TRPV4: variants seen among roughly 807,000 people sequenced by gnomAD.
The protein encoded by TRPV4 is transient receptor potential cation channel subfamily V member 4, also known as OSM9-like transient receptor potential channel 4.
Under a neutral mutation model 84.1 loss-of-function variants are expected in TRPV4, and 58 were observed. The observed-to-expected ratio is 0.69, with a 90% CI of 0.56 to 0.86. The LOEUF is 0.86. Among genes scored for constraint, TRPV4 ranks in the 40% least tolerant of loss-of-function variants. The pLI, the probability that TRPV4 is intolerant of heterozygous loss-of-function variation, is 0.00. For synonymous variants in TRPV4, 489 were observed against 500.9 expected (o/e 0.98, Z 0.32); for missense variants, 879 against 1,181.1 (o/e 0.74, Z 3.75).
intron 1 of TRPV4, among the ~76,000 whole-genome samples, chr12:109,832,027 T>G (rs966172994): frequency 6.6e-6 from 1 of 152,214 alleles, no homozygotes; most frequent in Non-Finnish European, 1.5e-5. Flanking sequence ...GGTTAAACAT[T>G]GATGGCAGCC....
At chr12:109,794,126 C>T (rs958970922) in intron 8 of TRPV4, 104 bp from the exon 9 acceptor site, 1 of 1,165,580 alleles carries the variant, frequency 8.6e-7, no homozygotes, top group African/African-American at 1.5e-5. Flanking sequence ...CCCATGGAGC[C>T]TCCTCCTTCA....
At chr12:109,784,963 G>A (rs1228040678) in intron 14 of TRPV4, among the ~76,000 whole-genome samples, 1 of 151,332 alleles carries the variant, frequency 6.6e-6, no homozygotes, top group African/African-American at 2.4e-5. Context: ...CATCCACATT[G>A]TGTGACCATC....
In TRPV4 at chr12:109,783,410, A is replaced by G; in HGVS notation, c.*211T>C. ...CTCTGGCGTTGGCTTATGTGACTCCATAGGAGCAAGACAGGTGGCCGGGAG... is the reference window on the plus strand; with the variant it reads ...CTCTGGCGTTGGCTTATGTGACTCCGTAGGAGCAAGACAGGTGGCCGGGAG... On this transcript the variant is annotated 3_prime_UTR_variant, in exon 16 of 16. Transcript: ENST00000261740. The surrounding 1 kb of genome is among the most constrained non-coding windows in gnomAD (Gnocchi z 4.6). 3.3e-6 allele frequency: 2 copies of G among 601,264 alleles called. 1 individual carries two copies. The highest frequency in any genetic ancestry group is 4.6e-5 in the South Asian group (2 of 43,358). 37.2% of individuals were successfully genotyped at this position (601,264 alleles called of 1,614,324 possible). A position where few individuals can be genotyped will look rare whatever the true frequency, so the allele number is the denominator to read the frequency against.
intron 12 of TRPV4, among the ~76,000 whole-genome samples, chr12:109,790,845 G>C (rs781549626): frequency 2.0e-5 from 3 of 152,226 alleles, no homozygotes; most frequent in Non-Finnish European, 4.4e-5. Context: ...AGGTGTCCTT[G>C]AACACTTCTG....
chr12:109,812,970 T>C (rs1489648210), intron 2 of TRPV4, among the ~76,000 whole-genome samples: 1 of 151,900 alleles, frequency 6.6e-6, no homozygotes, highest in Non-Finnish European at 1.5e-5. Context: ...GAGTAGATGA[T>C]AGATGGATAA....
intron 6 of TRPV4, among the ~76,000 whole-genome samples, chr12:109,797,090 C>T (rs576441404): frequency 6.6e-6 from 1 of 152,286 alleles, no homozygotes; most frequent in South Asian, 2.1e-4. Flanking sequence ...CCCTGGCTTA[C>T]ACACAGGGAA....
At chr12:109,794,209 T>C (rs1565866185) in intron 8 of TRPV4, 120 bp downstream of exon 8, 5 of 1,383,756 alleles carry the variant, frequency 3.6e-6, no homozygotes, top group Non-Finnish European at 5.0e-6. Context: ...CTCCCCAACC[T>C]GTTCCTAAAC....
chr12:109,795,734 GT>G (rs1352342708), intron 7 of TRPV4, among the ~76,000 whole-genome samples: 3 of 151,610 alleles, frequency 2.0e-5, no homozygotes, highest in Non-Finnish European at 4.4e-5. Context: ...AAAAAGCTTG[GT>G]TTTTTGTTTG....
In TRPV4 at chr12:109,783,309, C is replaced by A; in HGVS notation, c.*312G>T. On this transcript the variant is annotated 3_prime_UTR_variant, in exon 16 of 16. Transcript: ENST00000261740. This position sits in a 1 kb window ranked among gnomAD's most constrained non-coding sequence, Gnocchi z 4.6. ...GGCCTCTGCCAGGTTCCAGCTGGGGCAGGGGTCACGTCGCTTCCTGAGAGC... is the reference window on the plus strand; with the variant it reads ...GGCCTCTGCCAGGTTCCAGCTGGGGAAGGGGTCACGTCGCTTCCTGAGAGC... 1 of 311,670 alleles carries A rather than the reference C, an allele frequency of 3.2e-6. No individual in the cohort carries two copies. The highest frequency in any genetic ancestry group is 7.4e-5 in the South Asian group (1 of 13,572). The allele number at this position is 311,670 out of a possible 1,614,324, so 19.3% of individuals were successfully genotyped here. A position where few individuals can be genotyped will look rare whatever the true frequency, so the allele number is the denominator to read the frequency against.
In TRPV4 at chr12:109,796,517, G is replaced by A; in HGVS notation, c.1332+8C>T. The A allele has an allele frequency of 6.2e-7, 1 of 1,613,876 alleles. No individual in the cohort carries two copies. The highest frequency in any genetic ancestry group is 8.5e-7 in the Non-Finnish European group (1 of 1,179,978). ...TCCTCACACCCCATGCCCCCTCCTGGAGCCCACCTCAATCTTGCTGTTGTA... is the reference window on the plus strand; with the variant it reads ...TCCTCACACCCCATGCCCCCTCCTGAAGCCCACCTCAATCTTGCTGTTGTA... On this transcript the variant is annotated splice_region_variant and intron_variant, in intron 7 of 15. Coordinates refer to ENST00000261740, the MANE Select transcript of TRPV4 (RefSeq NM_021625.5). The surrounding 1 kb of genome is among the most constrained non-coding windows in gnomAD (Gnocchi z 4.2).
rs1031384774 is a variant in TRPV4, at chr12:109,789,834, C to G, written c.1892-1118G>C. The stretch of plus-strand genomic sequence containing the variant: ...ACCTTGTCTGGACTCACCGGAAAAA[C>G]TGTTCTGTGATCCATTAGTGATGTC... On this transcript the variant is annotated intron_variant, in intron 12 of 15. Transcript: ENST00000261740. 1.3e-5 allele frequency among the ~76,000 whole-genome samples: 2 copies of G among 152,230 alleles called. 1 individual carries two copies. The highest frequency in any genetic ancestry group is 1.3e-4 in the Admixed American group (2 of 15,290).
chr12:109,809,618 C>A, intron 2 of TRPV4, among the ~76,000 whole-genome samples: 1 of 149,606 alleles, frequency 6.7e-6, no homozygotes, highest in East Asian at 2.1e-4. Flanking sequence ...ATCCATCACT[C>A]GTCTATCCAT....
chr12:109,823,604 G>C (rs1156533597), intron 1 of TRPV4, among the ~76,000 whole-genome samples: 1 of 152,182 alleles, frequency 6.6e-6, no homozygotes, highest in Non-Finnish European at 1.5e-5. Flanking sequence ...CCCAGAACAG[G>C]CAAATCCACA....
rs772453924 is a variant in TRPV4, at chr12:109,786,225, C to T, written c.2336+485G>A. Among the ~76,000 whole-genome samples the T allele has an allele frequency of 5.9e-5, 9 of 152,296 alleles. No individual in the cohort carries two copies. The highest frequency in any genetic ancestry group is 3.4e-3 in the Middle Eastern group (1 of 294). On this transcript the variant is annotated intron_variant, in intron 14 of 15. Transcript: ENST00000261740. The surrounding 1 kb of genome is among the most constrained non-coding windows in gnomAD (Gnocchi z 4.5). Reference sequence around the variant, plus strand: ...TGGCACTCCCTGTGCCTCTGGAACACGGAGTCATTCTGCAGATGGGCTGGG... The same window carrying T: ...TGGCACTCCCTGTGCCTCTGGAACATGGAGTCATTCTGCAGATGGGCTGGG...
At chr12:109,829,072 T>C (rs979949270) in intron 1 of TRPV4, among the ~76,000 whole-genome samples, 2 of 151,950 alleles carry the variant, frequency 1.3e-5, no homozygotes, top group Non-Finnish European at 2.9e-5. Context: ...CTTGGGAGGC[T>C]GAAGTAGGAG....
intron 2 of TRPV4, among the ~76,000 whole-genome samples, chr12:109,809,356 C>T (rs1891369093): frequency 6.7e-6 from 1 of 150,076 alleles, no homozygotes; most frequent in Non-Finnish European, 1.5e-5. Context: ...TCCACCCATC[C>T]ACCTACCCAC....
At chr12:109,794,128 C>T (rs1370317173) in intron 8 of TRPV4, 106 bp from the exon 9 acceptor site, 3 of 1,153,306 alleles carry the variant, frequency 2.6e-6, no homozygotes, top group South Asian at 1.3e-5. Flanking sequence ...CATGGAGCCT[C>T]CTCCTTCACT....
At chr12:109,788,788 T>C (rs1010164675) in intron 12 of TRPV4, 72 bp from the exon 13 acceptor site, 105 of 1,573,280 alleles carry the variant, frequency 6.7e-5, no homozygotes, top group Non-Finnish European at 8.7e-5. Context: ...GTCATTCTCA[T>C]TTGCTGGAGG....
At position 109,814,021 on chromosome 12, in the gene TRPV4, G is replaced by A. The variant is rs1891697314; in HGVS notation, c.386+390C>T. Among the ~76,000 whole-genome samples the A allele has an allele frequency of 6.6e-6, 1 of 152,024 alleles. No individual in the cohort carries two copies. The highest frequency in any genetic ancestry group is 1.5e-5 in the Non-Finnish European group (1 of 68,000). Reference sequence around the variant, plus strand: ...TGGTTGGATAGATGGATAGATGATAGATGGCTGGATGATGGATGGATGTAT... The same window carrying A: ...TGGTTGGATAGATGGATAGATGATAAATGGCTGGATGATGGATGGATGTAT... On this transcript the variant is annotated intron_variant, in intron 2 of 15. Coordinates refer to ENST00000261740, the MANE Select transcript of TRPV4 (RefSeq NM_021625.5). The surrounding 1 kb of genome is among the most constrained non-coding windows in gnomAD (Gnocchi z 5.4).
Sources: allele counts gnomAD v4.1 joint callset (sites outside exome capture counted in the v4.1 genomes callset), GRCh38; gene constraint gnomAD v4.1.1; non-coding constraint Gnocchi (gnomAD v3.1); transcripts MANE v1.5; gene names NCBI Gene and HGNC (gene_info 2026-07-23, HGNC 2026-07-21).